GRM8: variants seen among roughly 807,000 people sequenced by gnomAD.
The protein encoded by GRM8 is glutamate metabotropic receptor 8.
A neutral mutation model predicts 87.2 loss-of-function variants in GRM8; 47 were observed. The ratio of observed to expected loss-of-function variants is 0.54; its 90% CI spans 0.43 to 0.69. GRM8 has a LOEUF of 0.69. GRM8 is among the 30% of genes least tolerant of loss of function. The probability of loss-of-function intolerance (pLI) is 0.00; values close to 1 mark genes in which losing one functional copy is unlikely to be tolerated. For missense variants in GRM8, 1,019 were observed against 1,139.2 expected (o/e 0.89, Z 1.52); for synonymous variants, 396 against 404.5 (o/e 0.98, Z 0.25).
intron 3 of GRM8, among the ~76,000 whole-genome samples, chr7:126,943,073 T>G (rs1807143981): frequency 6.6e-6 from 1 of 152,206 alleles, no homozygotes; most frequent in African/African-American, 2.4e-5. Flanking sequence ...CCAAAGCTGC[T>G]GGGCCTTTGG....
chr7:126,890,984 C>T (rs1800946090), intron 6 of GRM8, among the ~76,000 whole-genome samples: 1 of 152,030 alleles, frequency 6.6e-6, no homozygotes, highest in Non-Finnish European at 1.5e-5. Context: ...GCTTCAGACT[C>T]ACATAACCAA....
Position 127,111,371 on chromosome 7 carries a change from T to C in GRM8, c.511-4659A>G, listed in dbSNP as rs865916115. Among the ~76,000 whole-genome samples, 12 of 152,340 alleles carry C rather than the reference T, an allele frequency of 7.9e-5. No homozygotes were observed. In the South Asian group the frequency reaches 2.5e-3, roughly 32 times the overall value. ...GGAGTTAGCAGAGATTATTGTCTTC[T>C]AGTGTCTGTTCTCCTTCTAGATGAA... On this transcript the variant is annotated intron_variant, in intron 2 of 10. Coordinates refer to ENST00000339582, the MANE Select transcript of GRM8 (RefSeq NM_000845.3).
At chr7:127,226,213 C>T (rs987959041) in intron 2 of GRM8, among the ~76,000 whole-genome samples, 1 of 152,174 alleles carries the variant, frequency 6.6e-6, no homozygotes, top group Non-Finnish European at 1.5e-5. Flanking sequence ...TCCAACCTCT[C>T]ATGTTCTTTC....
chr7:127,191,777 A>C (rs1434662235), intron 2 of GRM8, among the ~76,000 whole-genome samples: 1 of 152,198 alleles, frequency 6.6e-6, no homozygotes, highest in Non-Finnish European at 1.5e-5. Flanking sequence ...TTTCTGCTTA[A>C]TTCTGTCAGA....
Position 126,555,312 on chromosome 7 carries a change from T to C in GRM8, c.1495-21425A>G, listed in dbSNP as rs116213034. Among the ~76,000 whole-genome samples the C allele has an allele frequency of 1.9e-3, 282 of 152,260 alleles. 2 individuals are homozygous for C. Among genetic ancestry groups the C allele is most frequent in the Middle Eastern group, 6.8e-3 (2 of 294 alleles). ...AACTACGTAAATGATGAAAGGAGAT[T>C]CCTATTAATTGCTCAGGCCAAGAGA... On this transcript the variant is annotated intron_variant, in intron 8 of 10. Transcript: ENST00000339582.
intron 6 of GRM8, among the ~76,000 whole-genome samples, chr7:126,902,147 A>G (rs547799060): frequency 6.6e-6 from 1 of 152,344 alleles, no homozygotes; most frequent in East Asian, 1.9e-4. Flanking sequence ...GACAGCGATT[A>G]AAATAGTTGA....
At chr7:126,961,591 C>T (rs2131685500) in intron 3 of GRM8, among the ~76,000 whole-genome samples, 1 of 152,304 alleles carries the variant, frequency 6.6e-6, no homozygotes, top group East Asian at 1.9e-4. Context: ...CTGCTGCTGG[C>T]TCTACTCCTG....
chr7:127,049,875 C>A (rs1017153095), intron 3 of GRM8, among the ~76,000 whole-genome samples: 3 of 151,996 alleles, frequency 2.0e-5, no homozygotes, highest in Admixed American at 6.6e-5. Context: ...AGGGCTTGTG[C>A]TTGATAGAGG....
chr7:127,246,868 T>C (rs1414363084), intron 1 of GRM8, among the ~76,000 whole-genome samples: 3 of 152,154 alleles, frequency 2.0e-5, no homozygotes, highest in Non-Finnish European at 4.4e-5. Flanking sequence ...CTTGTATAAA[T>C]GAGAAAAGAA....
chr7:127,063,201 C>T (rs540036544), intron 3 of GRM8, among the ~76,000 whole-genome samples: 20 of 150,872 alleles, frequency 1.3e-4, no homozygotes, highest in African/African-American at 3.4e-4. Flanking sequence ...TGCAGTGAGC[C>T]GAGATCACGC....
intron 2 of GRM8, among the ~76,000 whole-genome samples, chr7:127,197,109 T>C (rs145547284): frequency 1.3e-5 from 2 of 152,234 alleles, no homozygotes; most frequent in Non-Finnish European, 2.9e-5. Flanking sequence ...AATATTGGTC[T>C]AGGTTGTTTC....
chr7:127,037,970 A>G (rs935041748), intron 3 of GRM8, among the ~76,000 whole-genome samples: 3 of 152,196 alleles, frequency 2.0e-5, no homozygotes, highest in Non-Finnish European at 4.4e-5. Context: ...TTGACTATGT[A>G]AAAGAAATGC....
At chr7:126,857,314 T>C (rs1009283797) in intron 6 of GRM8, among the ~76,000 whole-genome samples, 2 of 152,174 alleles carry the variant, frequency 1.3e-5, no homozygotes, top group South Asian at 4.1e-4. Context: ...GGCAGCTGCA[T>C]TTTAAGCAAC....
chr7:127,216,003 T>C (rs2283100), intron 2 of GRM8, among the ~76,000 whole-genome samples: 22,858 of 152,214 alleles, frequency 0.15, 2,167 homozygotes, highest in Non-Finnish European at 0.2. Flanking sequence ...CAGAGAGAGC[T>C]TTGCCACTTT....
intron 3 of GRM8, among the ~76,000 whole-genome samples, chr7:127,008,034 T>C (rs911536148): frequency 6.6e-6 from 1 of 152,006 alleles, no homozygotes; most frequent in South Asian, 2.1e-4. Context: ...ATTGTTTCTT[T>C]GGCTTTCATA....
chr7:126,993,720 C>T (rs1319073619), intron 3 of GRM8, among the ~76,000 whole-genome samples: 1 of 152,116 alleles, frequency 6.6e-6, no homozygotes, highest in Non-Finnish European at 1.5e-5. Flanking sequence ...CTGAGTTTTG[C>T]CCTGTCACAG....
chr7:126,624,823 G>A (rs926644448), intron 7 of GRM8, among the ~76,000 whole-genome samples: 17 of 152,182 alleles, frequency 1.1e-4, no homozygotes, highest in African/African-American at 3.9e-4. Flanking sequence ...TCTCTTCCTA[G>A]CTGGCTAGAA....
At chr7:126,523,154 C>A (rs578228653) in intron 9 of GRM8, among the ~76,000 whole-genome samples, 7 of 152,228 alleles carry the variant, frequency 4.6e-5, no homozygotes, top group African/African-American at 1.7e-4. Context: ...TTCATCCATT[C>A]CTGCATCAAA....
At chr7:126,479,733 C>G (rs1041712258) in intron 9 of GRM8, among the ~76,000 whole-genome samples, 2 of 132,190 alleles carry the variant, frequency 1.5e-5, no homozygotes, top group Non-Finnish European at 3.2e-5. Flanking sequence ...GTGGAGATGA[C>G]AGAGAGATAG....
Sources: gnomAD v4.1 joint callset for allele counts (sites outside exome capture counted in the v4.1 genomes callset) on GRCh38, gnomAD v4.1.1 for gene constraint, MANE v1.5 for transcripts, NCBI Gene and HGNC (gene_info 2026-07-23, HGNC 2026-07-21) for gene names.